ZDHHC14: variants seen among roughly 807,000 people sequenced by gnomAD.
ZDHHC14 encodes zDHHC palmitoyltransferase 14, also known as palmitoyltransferase ZDHHC14.
In ZDHHC14, 16 loss-of-function variants were observed where a neutral mutation model predicts 47.7. That is an observed-to-expected ratio of 0.34 (90% CI 0.23 to 0.51). The LOEUF (loss-of-function observed/expected upper bound fraction) is 0.51, where lower values mean the gene tolerates loss of function less well. Ranked by LOEUF, ZDHHC14 falls within the 20% of genes least tolerant of loss-of-function variation. The pLI is 0.97. For missense variants in ZDHHC14, 515 were observed against 662.5 expected (o/e 0.78, Z 2.44); for synonymous variants, 293 against 278.9 (o/e 1.05, Z -0.50).
chr6:157,670,154 G>T (rs999766798), intron 8 of ZDHHC14, among the ~76,000 whole-genome samples: 3 of 152,224 alleles, frequency 2.0e-5, no homozygotes, highest in African/African-American at 7.2e-5. Flanking sequence ...ACCCTGAGCT[G>T]AAATTCCCTG....
In ZDHHC14 at chr6:157,382,012, G is replaced by A; in HGVS notation, c.-10G>A. On this transcript the variant is annotated 5_prime_UTR_variant, in exon 1 of 9. Transcript: ENST00000359775. ...TGGGGGTGTGCGCCCCCAGCCGGCT[G>A]CCCTCGTGGATGCCTCCCGGCGGCG... The A allele has an allele frequency of 6.9e-7, 1 of 1,455,850 alleles. No homozygotes were observed. Among genetic ancestry groups the A allele is most frequent in the Non-Finnish European group, 9.1e-7 (1 of 1,102,584 alleles). 90.2% of individuals were successfully genotyped at this position (1,455,850 alleles called of 1,614,324 possible).
chr6:157,563,306 C>A (rs926408924), intron 2 of ZDHHC14, among the ~76,000 whole-genome samples: 3 of 152,216 alleles, frequency 2.0e-5, no homozygotes, highest in Non-Finnish European at 4.4e-5. Flanking sequence ...CCTGCCTGGG[C>A]GTTAAGCGTG....
intron 1 of ZDHHC14, among the ~76,000 whole-genome samples, chr6:157,449,010 G>A (rs1331171710): frequency 6.6e-6 from 1 of 152,316 alleles, no homozygotes; most frequent in Non-Finnish European, 1.5e-5. Context: ...CTGCTGTGAA[G>A]CAGAAAGGCC....
intron 1 of ZDHHC14, among the ~76,000 whole-genome samples, chr6:157,494,429 T>C (rs1484158155): frequency 6.6e-6 from 1 of 152,228 alleles, no homozygotes; most frequent in African/African-American, 2.4e-5. Flanking sequence ...TAATGATCTC[T>C]GGTCTGGAGA....
At chr6:157,671,374 T>C (rs927619982) in intron 8 of ZDHHC14, among the ~76,000 whole-genome samples, 2 of 152,194 alleles carry the variant, frequency 1.3e-5, no homozygotes, top group Admixed American at 6.5e-5. Flanking sequence ...TAAGAACTCC[T>C]GCAGAAGTGA....
chr6:157,574,064 G>T (rs2114862208), intron 2 of ZDHHC14, among the ~76,000 whole-genome samples: 1 of 151,954 alleles, frequency 6.6e-6, no homozygotes, highest in African/African-American at 2.4e-5. Context: ...TCCCAAATGT[G>T]TTTGGCATGG....
At chr6:157,451,030 G>A (rs550878298) in intron 1 of ZDHHC14, among the ~76,000 whole-genome samples, 41 of 150,776 alleles carry the variant, frequency 2.7e-4, no homozygotes, top group African/African-American at 1.0e-3. Context: ...GTGTGTGTGT[G>A]TCTGTGGAGG....
intron 2 of ZDHHC14, among the ~76,000 whole-genome samples, chr6:157,544,124 T>G (rs995308680): frequency 2.0e-5 from 3 of 152,222 alleles, no homozygotes; most frequent in African/African-American, 7.2e-5. Context: ...TCTTTCCAGC[T>G]CCTCATATCA....
chr6:157,474,692 C>A (rs1023603229), intron 1 of ZDHHC14, among the ~76,000 whole-genome samples: 5 of 152,100 alleles, frequency 3.3e-5, no homozygotes, highest in African/African-American at 1.2e-4. Context: ...CATATACCTG[C>A]TGGCCATTCA....
intron 1 of ZDHHC14, among the ~76,000 whole-genome samples, chr6:157,477,248 T>A (rs969812996): frequency 6.6e-6 from 1 of 152,118 alleles, no homozygotes; most frequent in Non-Finnish European, 1.5e-5. Flanking sequence ...GGCGTGGTGG[T>A]GTGCACCTGT....
chr6:157,451,283 G>A (rs1035862138), intron 1 of ZDHHC14, among the ~76,000 whole-genome samples: 3 of 152,178 alleles, frequency 2.0e-5, no homozygotes, highest in African/African-American at 7.2e-5. Context: ...GTGGCAAATG[G>A]AAGAATAATA....
At chr6:157,529,295 T>C (rs540419241) in intron 1 of ZDHHC14, 103 of 154,432 alleles carry the variant, frequency 6.7e-4, no homozygotes, top group African/African-American at 2.1e-3. Context: ...TTATCTTTTT[T>C]CATAAATGAA....
intron 1 of ZDHHC14, among the ~76,000 whole-genome samples, chr6:157,449,793 T>A (rs578033277): frequency 2.0e-5 from 3 of 152,326 alleles, no homozygotes; most frequent in South Asian, 4.1e-4. Flanking sequence ...GATGGAAAAT[T>A]CATGCAGAGT....
At chr6:157,460,043 C>T (rs1335112638) in intron 1 of ZDHHC14, among the ~76,000 whole-genome samples, 2 of 124,368 alleles carry the variant, frequency 1.6e-5, no homozygotes, top group Non-Finnish European at 3.3e-5. Flanking sequence ...GAAACCCTGT[C>T]TCTACTAAAA....
Position 157,648,047 on chromosome 6 carries a change from G to A in ZDHHC14, c.965+679G>A, listed in dbSNP as rs185748290. On this transcript the variant is annotated intron_variant, in intron 7 of 8. Coordinates refer to ENST00000359775, the MANE Select transcript of ZDHHC14 (RefSeq NM_024630.3). Reference sequence around the variant, plus strand: ...TCACACAGCAAGTAAATGCCGGCTAGTCAGGACACACACCCAGGCCACCCA... The same window carrying A: ...TCACACAGCAAGTAAATGCCGGCTAATCAGGACACACACCCAGGCCACCCA... Among the ~76,000 whole-genome samples, 10 of 152,332 alleles carry A rather than the reference G, an allele frequency of 6.6e-5. No homozygotes were observed. The East Asian group carries it at 7.7e-4, about 12-fold the overall frequency.
At chr6:157,556,091 G>A (rs1448298281) in intron 2 of ZDHHC14, among the ~76,000 whole-genome samples, 3 of 152,136 alleles carry the variant, frequency 2.0e-5, no homozygotes, top group African/African-American at 7.2e-5. Context: ...ACAAACTAGC[G>A]ACTGAACAGG....
intron 2 of ZDHHC14, among the ~76,000 whole-genome samples, chr6:157,571,776 ATTTTT>A (rs548623336): frequency 8.2e-6 from 1 of 122,518 alleles, no homozygotes. Context: ...AGGAATCTGT[ATTTTT>A]TTTTTTTTTT....
At chr6:157,500,488 A>G (rs1780169153) in intron 1 of ZDHHC14, among the ~76,000 whole-genome samples, 1 of 152,176 alleles carries the variant, frequency 6.6e-6, no homozygotes, top group South Asian at 2.1e-4. Context: ...GAAATTACAG[A>G]AGCTATCATA....
intron 3 of ZDHHC14, among the ~76,000 whole-genome samples, chr6:157,594,146 C>T (rs1318608600): frequency 6.6e-6 from 1 of 152,222 alleles, no homozygotes; most frequent in African/African-American, 2.4e-5. Context: ...AGTCTCAATT[C>T]TTCTTGAGAA....
Sources: gnomAD v4.1 joint callset for allele counts (sites outside exome capture counted in the v4.1 genomes callset) on GRCh38, gnomAD v4.1.1 for gene constraint, MANE v1.5 for transcripts, NCBI Gene and HGNC (gene_info 2026-07-23, HGNC 2026-07-21) for gene names.